The following ARHGAP10 variants were observed in gnomAD, a reference collection of about 807,000 sequenced individuals.
The protein encoded by ARHGAP10 is Rho GTPase activating protein 10, also known as rho GTPase-activating protein 10.
A neutral mutation model predicts 108.6 loss-of-function variants in ARHGAP10; 87 were observed. That is an observed-to-expected ratio of 0.80 (90% CI 0.67 to 0.96). The LOEUF (loss-of-function observed/expected upper bound fraction) is 0.96, where lower values mean the gene tolerates loss of function less well. ARHGAP10 is among the 40% of genes least tolerant of loss of function. ARHGAP10 has a pLI of 0.00. For missense variants in ARHGAP10, 939 were observed against 954.5 expected, an observed-to-expected ratio of 0.98 and a Z score of 0.21; for synonymous variants, 347 against 341.1, an observed-to-expected ratio of 1.02 and a Z score of -0.19.
intron 1 of ARHGAP10, among the ~76,000 whole-genome samples, chr4:147,758,153 C>T (rs1303210592): frequency 6.6e-6 from 1 of 151,876 alleles, no homozygotes; most frequent in Non-Finnish European, 1.5e-5. Flanking sequence ...ATCCTAGCTA[C>T]TTGGGAGGCT....
chr4:147,857,637 G>A lies in ARHGAP10; in HGVS notation c.469G>A (p.Asp157Asn), dbSNP rs1734147892. 6.7e-7 allele frequency: 1 copy of A among 1,488,766 alleles called. No homozygotes were observed. Among genetic ancestry groups the A allele is most frequent in the African/African-American group, 1.4e-5 (1 of 69,068 alleles). 92.2% of individuals were successfully genotyped at this position (1,488,766 alleles called of 1,614,324 possible). Reference protein sequence around the residue: ...KHLNLSAKKKDSHLQEADIQV... With the variant: ...KHLNLSAKKKNSHLQEADIQV... ...TTTGAATTTATCAGCAAAAAAGAAA[G>A]ACTCACATTTACAAGAGGTATAATT... The change falls in exon 5 of 23, where the codon GAC becomes AAC. Residue 157 changes from aspartate to asparagine, a missense_variant. Transcript: ENST00000336498.
intron 13 of ARHGAP10, among the ~76,000 whole-genome samples, chr4:147,920,159 G>A (rs1238511860): frequency 6.6e-6 from 1 of 150,996 alleles, no homozygotes; most frequent in African/African-American, 2.4e-5. Flanking sequence ...GCTCATGCCT[G>A]TAATCCCAGC....
At position 148,045,119 on chromosome 4, in the gene ARHGAP10, G is replaced by A. The variant is rs545370094; in HGVS notation, c.1868-1773G>A. The stretch of plus-strand genomic sequence containing the variant: ...CAGAAAACTCTTCCTTGGAGTTTCA[G>A]TGGTACAGTTGGTTAGTGTGCAGCA... On this transcript the variant is annotated intron_variant, in intron 19 of 22. Transcript: ENST00000336498. Among the ~76,000 whole-genome samples the A allele has an allele frequency of 2.0e-5, 3 of 152,316 alleles. No individual in the cohort carries two copies. In the South Asian group the frequency reaches 6.2e-4, roughly 32 times the overall value.
At chr4:147,845,873 T>A (rs1733609498) in intron 3 of ARHGAP10, among the ~76,000 whole-genome samples, 2 of 152,182 alleles carry the variant, frequency 1.3e-5, no homozygotes, top group African/African-American at 4.8e-5. Flanking sequence ...CATTCCATAT[T>A]ATTTGGGGAG....
At chr4:147,879,471 G>A in intron 9 of ARHGAP10, 133 bp downstream of exon 9, 1 of 782,236 alleles carries the variant, frequency 1.3e-6, no homozygotes, top group Non-Finnish European at 1.9e-6. Flanking sequence ...TAAAATCTTT[G>A]TTTTGTTTTT....
At chr4:148,010,558 A>G (rs982434388) in intron 18 of ARHGAP10, among the ~76,000 whole-genome samples, 1 of 152,140 alleles carries the variant, frequency 6.6e-6, no homozygotes, top group Non-Finnish European at 1.5e-5. Flanking sequence ...TATTATTGCT[A>G]TTTTTGTTGA....
intron 10 of ARHGAP10, among the ~76,000 whole-genome samples, chr4:147,883,589 G>A (rs1182878205): frequency 6.6e-6 from 1 of 152,180 alleles, no homozygotes; most frequent in East Asian, 1.9e-4. Context: ...GAGGCACAGA[G>A]CATTTGAGCA....
At chr4:147,920,829 G>A (rs1471262935) in intron 13 of ARHGAP10, among the ~76,000 whole-genome samples, 2 of 152,134 alleles carry the variant, frequency 1.3e-5, no homozygotes, top group African/African-American at 4.8e-5. Flanking sequence ...TTAAAGGATG[G>A]GAAAGTATAT....
intron 18 of ARHGAP10, among the ~76,000 whole-genome samples, chr4:147,997,460 C>T (rs1242411313): frequency 6.6e-6 from 1 of 152,004 alleles, no homozygotes; most frequent in Non-Finnish European, 1.5e-5. Flanking sequence ...AACAAATGAA[C>T]AATTTAAAAA....
chr4:147,984,525 C>T (rs1018021970), intron 18 of ARHGAP10, among the ~76,000 whole-genome samples: 1 of 152,204 alleles, frequency 6.6e-6, no homozygotes, highest in African/African-American at 2.4e-5. Flanking sequence ...TGTGGGAGGA[C>T]CACACCAAGA....
chr4:147,936,363 C>T (rs1445343753), intron 13 of ARHGAP10, among the ~76,000 whole-genome samples: 1 of 138,862 alleles, frequency 7.2e-6, no homozygotes, highest in East Asian at 2.1e-4. Flanking sequence ...GCTCTGTCGC[C>T]CAGGCTGGAC....
At chr4:148,020,010 T>G (rs1741506044) in intron 18 of ARHGAP10, among the ~76,000 whole-genome samples, 1 of 152,310 alleles carries the variant, frequency 6.6e-6, no homozygotes, top group East Asian at 1.9e-4. Flanking sequence ...GCATTATGTG[T>G]AATAGTTGAG....
intron 9 of ARHGAP10, among the ~76,000 whole-genome samples, 193 bp downstream of exon 9, chr4:147,879,531 A>G (rs574671271): frequency 6.6e-6 from 1 of 151,972 alleles, no homozygotes. Context: ...TCTGAATTAC[A>G]TGCATGGGTT....
At chr4:147,814,385 T>C (rs771974391) in intron 1 of ARHGAP10, among the ~76,000 whole-genome samples, 1 of 152,172 alleles carries the variant, frequency 6.6e-6, no homozygotes, top group African/African-American at 2.4e-5. Context: ...AACTGTTGGC[T>C]TTGATTGGGA....
intron 19 of ARHGAP10, among the ~76,000 whole-genome samples, chr4:148,045,891 C>A (rs1422159570): frequency 1.3e-5 from 2 of 151,968 alleles, no homozygotes; most frequent in Non-Finnish European, 2.9e-5. Flanking sequence ...CTGTTGGGGG[C>A]TGGGGTTATG....
chr4:148,003,666 A>G (rs932485936), intron 18 of ARHGAP10, among the ~76,000 whole-genome samples: 23 of 152,282 alleles, frequency 1.5e-4, no homozygotes, highest in Non-Finnish European at 1.6e-4. Context: ...CCATTATGTA[A>G]TGGCCTTCTT....
intron 16 of ARHGAP10, among the ~76,000 whole-genome samples, chr4:147,955,974 T>G (rs1443019486): frequency 6.6e-6 from 1 of 152,164 alleles, no homozygotes; most frequent in Non-Finnish European, 1.5e-5. Flanking sequence ...ATTTGAGGCT[T>G]TGTTTTCTGT....
chr4:147,787,798 A>G (rs1258508640), intron 1 of ARHGAP10, among the ~76,000 whole-genome samples: 1 of 152,038 alleles, frequency 6.6e-6, no homozygotes, highest in African/African-American at 2.4e-5. Context: ...TAGTAACAGA[A>G]CCTCATCTTT....
intron 19 of ARHGAP10, among the ~76,000 whole-genome samples, chr4:148,046,400 G>T (rs1235568205): frequency 2.0e-5 from 3 of 152,188 alleles, no homozygotes; most frequent in African/African-American, 4.8e-5. Flanking sequence ...TAATGTTGGG[G>T]TATTAGAAAT....
Sources: gnomAD v4.1 joint callset for allele counts (sites outside exome capture counted in the v4.1 genomes callset) on GRCh38, gnomAD v4.1.1 for gene constraint, MANE v1.5 for transcripts, NCBI Gene and HGNC (gene_info 2026-07-23, HGNC 2026-07-21) for gene names.